ZNF366: variants seen among roughly 807,000 people sequenced by gnomAD.
The protein encoded by ZNF366 is dendritic cell-specific transcript protein.
Under a neutral mutation model 47.2 loss-of-function variants are expected in ZNF366, and 20 were observed. That is an observed-to-expected ratio of 0.42 (90% CI 0.30 to 0.62). ZNF366 has a LOEUF of 0.62. Ranked by LOEUF, ZNF366 falls within the 20% of genes least tolerant of loss-of-function variation. The pLI is 0.16. For missense variants in ZNF366, 987 were observed against 976.3 expected (o/e 1.01, Z -0.15); for synonymous variants, 421 against 395.1 (o/e 1.07, Z -0.78).
chr5:72,453,323 G>A (rs1311569358), intron 3 of ZNF366, among the ~76,000 whole-genome samples: 3 of 152,220 alleles, frequency 2.0e-5, no homozygotes, highest in African/African-American at 4.8e-5. Flanking sequence ...GCCCAGCCAC[G>A]TCAATCACAA....
At chr5:72,498,478 T>G (rs1227998048) in intron 1 of ZNF366, among the ~76,000 whole-genome samples, 1 of 152,242 alleles carries the variant, frequency 6.6e-6, no homozygotes, top group Non-Finnish European at 1.5e-5. Context: ...CATTCTTTCC[T>G]GCGTTACTCA....
At chr5:72,455,358 A>G (rs1181276678) in intron 3 of ZNF366, among the ~76,000 whole-genome samples, 4 of 152,146 alleles carry the variant, frequency 2.6e-5, no homozygotes, top group African/African-American at 9.7e-5. Context: ...AGGGAACCCC[A>G]CTTCAGGAAT....
At chr5:72,491,193 G>A (rs1232550839) in intron 1 of ZNF366, among the ~76,000 whole-genome samples, 1 of 152,250 alleles carries the variant, frequency 6.6e-6, no homozygotes, top group Non-Finnish European at 1.5e-5. Flanking sequence ...TAGATGTAGA[G>A]CTGGCCCACA....
In ZNF366 at chr5:72,447,163, G is replaced by T. The variant is rs1445348171; in HGVS notation, c.1699+80C>A. ...GGTCTTGACAAGAATAACCCTCAAGGTAATGCCCCATAAAACGAATTCAGC... is the reference window on the plus strand; with the variant it reads ...GGTCTTGACAAGAATAACCCTCAAGTTAATGCCCCATAAAACGAATTCAGC... On this transcript the variant is annotated intron_variant, in intron 4 of 4. Coordinates refer to ENST00000318442, the MANE Select transcript of ZNF366 (RefSeq NM_152625.3). The T allele has an allele frequency of 2.6e-6, 4 of 1,512,884 alleles. No homozygotes were observed. In the South Asian group the frequency reaches 4.9e-5, roughly 19 times the overall value. The allele number at this position is 1,512,884 out of a possible 1,614,324, so 93.7% of individuals were successfully genotyped here. A position where few individuals can be genotyped will look rare whatever the true frequency, so the allele number is the denominator to read the frequency against.
Position 72,443,088 on chromosome 5 carries a change from AAAAT to A in ZNF366, c.*664_*667del, listed in dbSNP as rs1742889838. On this transcript the variant is annotated 3_prime_UTR_variant, in exon 5 of 5. Transcript: ENST00000318442. ...CCCCAAACATCATCATATCATCTGA[AAAAT>A]AATGCTCCAAATGCTCAATCTGATG... The A allele has an allele frequency of 6.6e-6, 1 of 152,296 alleles. No homozygotes were observed. Among genetic ancestry groups the A allele is most frequent in the African/African-American group, 2.4e-5 (1 of 41,462 alleles). 9.4% of individuals were successfully genotyped at this position (152,296 alleles called of 1,614,324 possible).
Position 72,447,289 on chromosome 5 carries a change from G to A in ZNF366, c.1653C>T (p.His551=), listed in dbSNP as rs749079810. 6.2e-7 allele frequency: 1 copy of A among 1,614,230 alleles called. No homozygotes were observed. The highest frequency in any genetic ancestry group is 2.2e-5 in the East Asian group (1 of 44,894). The change falls in exon 4 of 5, where the codon CAC becomes CAT. Residue 551 remains histidine, a synonymous_variant. Transcript: ENST00000318442. ...CCATGACTCCATGCTTGACTTTCAT[G>A]TGGCGTGTCAGGTTCCCCTTCAGGG... ...KFTLKGNLTR[H]MKVKHGVMER...
Position 72,440,097 on chromosome 5 carries a change from C to G in ZNF366, c.*3659G>C, listed in dbSNP as rs372117294. ...TTTGGTGTAATGTTGTCCAAATATG[C>G]GAAGGATTTCAAACGTTAGCTCTGT... is the stretch of plus-strand genomic sequence containing the variant. On this transcript the variant is annotated 3_prime_UTR_variant, in exon 5 of 5. Transcript: ENST00000318442. 1 of 152,096 alleles carries G rather than the reference C, an allele frequency of 6.6e-6. No homozygotes were observed. The highest frequency in any genetic ancestry group is 2.4e-5 in the African/African-American group (1 of 41,408). The allele number at this position is 152,096 out of a possible 1,614,324, so 9.4% of individuals were successfully genotyped here. A position where few individuals can be genotyped will look rare whatever the true frequency, so the allele number is the denominator to read the frequency against.
In ZNF366 at chr5:72,459,477, G is replaced by C. The variant is rs894260020; in HGVS notation, c.1332+688C>G. 2.0e-5 allele frequency among the ~76,000 whole-genome samples: 3 copies of C among 152,160 alleles called. No homozygotes were observed. The South Asian group carries it at 6.2e-4, about 32-fold the overall frequency. On this transcript the variant is annotated intron_variant, in intron 2 of 4. Coordinates refer to ENST00000318442, the MANE Select transcript of ZNF366 (RefSeq NM_152625.3). ...ATGGTTGCAAACTGGGCTGAACTCA[G>C]ACTCTTGGGCCTGTATTTCCCCTTG... is the stretch of plus-strand genomic sequence containing the variant.
rs935246933 is a variant in ZNF366, at chr5:72,507,385, A to G, written c.-149T>C. On this transcript the variant is annotated 5_prime_UTR_variant, in exon 1 of 5. Coordinates refer to ENST00000318442, the MANE Select transcript of ZNF366 (RefSeq NM_152625.3). The stretch of plus-strand genomic sequence containing the variant: ...GGGAACTTAAAGAACTCGCAGGGAC[A>G]GTGTTTCGAATGACTTAAGAAAGAG... 2.0e-6 allele frequency: 2 copies of G among 985,456 alleles called. No homozygotes were observed. The allele number at this position is 985,456 out of a possible 1,614,324, so 61.0% of individuals were successfully genotyped here. A position where few individuals can be genotyped will look rare whatever the true frequency, so the allele number is the denominator to read the frequency against.
chr5:72,474,544 A>T (rs1743632559), intron 1 of ZNF366, among the ~76,000 whole-genome samples: 1 of 152,184 alleles, frequency 6.6e-6, no homozygotes, highest in Non-Finnish European at 1.5e-5. Flanking sequence ...CCAAATTCAG[A>T]AAGGAAGGTT....
chr5:72,502,563 A>G (rs539159894), intron 1 of ZNF366, among the ~76,000 whole-genome samples: 7 of 152,208 alleles, frequency 4.6e-5, no homozygotes, highest in Non-Finnish European at 1.0e-4. Context: ...TGAAGCATAC[A>G]ATATGACCTG....
At chr5:72,477,706 C>T (rs1322601581) in intron 1 of ZNF366, among the ~76,000 whole-genome samples, 1 of 152,172 alleles carries the variant, frequency 6.6e-6, no homozygotes, top group Non-Finnish European at 1.5e-5. Context: ...AATGACTTAT[C>T]TACGGTCACA....
rs559265961 is a variant in ZNF366, at chr5:72,441,987, A to G, written c.*1769T>C. 1 of 152,310 alleles carries G rather than the reference A, an allele frequency of 6.6e-6. No homozygotes were observed. The allele number at this position is 152,310 out of a possible 1,614,324, so 9.4% of individuals were successfully genotyped here. A position where few individuals can be genotyped will look rare whatever the true frequency, so the allele number is the denominator to read the frequency against. ...CCACCCAATAGAGTCATTTCCACTC[A>G]CTGGCATCATGGTTCAAGCATCTGG... On this transcript the variant is annotated 3_prime_UTR_variant, in exon 5 of 5. Transcript: ENST00000318442.
At chr5:72,484,644 A>T (rs987270095) in intron 1 of ZNF366, among the ~76,000 whole-genome samples, 2 of 152,228 alleles carry the variant, frequency 1.3e-5, no homozygotes, top group Non-Finnish European at 2.9e-5. Flanking sequence ...CACCTTTCAG[A>T]TATCATAGAG....
chr5:72,462,908 C>T (rs1743355659), intron 1 of ZNF366, among the ~76,000 whole-genome samples: 1 of 152,224 alleles, frequency 6.6e-6, no homozygotes, highest in Non-Finnish European at 1.5e-5. Context: ...AGTGCTAACT[C>T]CACATTTCCA....
chr5:72,499,385 G>T (rs1744166737), intron 1 of ZNF366, among the ~76,000 whole-genome samples: 1 of 152,048 alleles, frequency 6.6e-6, no homozygotes, highest in African/African-American at 2.4e-5. Flanking sequence ...CAGGTAGGAG[G>T]TGAGATTCTG....
Position 72,444,254 on chromosome 5 carries a change from G to A in ZNF366, c.1737C>T (p.Ala579=), listed in dbSNP as rs200713711. The A allele has an allele frequency of 6.7e-5, 108 of 1,613,176 alleles. No individual in the cohort carries two copies. The highest frequency in any genetic ancestry group is 6.7e-5 in the Non-Finnish European group (79 of 1,179,916). Residue 579 remains alanine, a synonymous_variant, in exon 5 of 5, where the codon GCC becomes GCT. Transcript: ENST00000318442. ...GRGRIALAQT[A]GVLRSLEQEE... is the part of the protein sequence containing the mutation. ...CCTGCTCCAGACTCCTCAGGACACC[G>A]GCTGTCTGTGCCAGGGCGATTCTCC...
chr5:72,455,213 C>G (rs1456649733), intron 3 of ZNF366, among the ~76,000 whole-genome samples: 1 of 152,116 alleles, frequency 6.6e-6, no homozygotes, highest in Non-Finnish European at 1.5e-5. Flanking sequence ...CCACACAGGT[C>G]TAGGGAAGCT....
At chr5:72,454,382 C>A (rs1379740923) in intron 3 of ZNF366, among the ~76,000 whole-genome samples, 1 of 152,194 alleles carries the variant, frequency 6.6e-6, no homozygotes, top group African/African-American at 2.4e-5. Flanking sequence ...TCAGATACTA[C>A]CTGGTCCAAG....
Sources: gnomAD v4.1 joint callset for allele counts (sites outside exome capture counted in the v4.1 genomes callset) on GRCh38, gnomAD v4.1.1 for gene constraint, MANE v1.5 for transcripts, NCBI Gene and HGNC (gene_info 2026-07-23, HGNC 2026-07-21) for gene names.